Variants in VGLL2 observed in about 807,000 individuals in gnomAD.
VGLL2 encodes vestigial like family member 2.
In VGLL2, 18 loss-of-function variants were observed where a neutral mutation model predicts 27.0. The observed-to-expected ratio is 0.67, with a 90% CI of 0.46 to 0.99. VGLL2 has a LOEUF of 0.99. VGLL2 is among the 50% of genes least tolerant of loss of function. The pLI is 0.00. For synonymous variants in VGLL2, 220 were observed against 201.1 expected, an observed-to-expected ratio of 1.09 and a Z score of -0.80; for missense variants, 491 against 452.3, an observed-to-expected ratio of 1.09 and a Z score of -0.78.
chr6:117,269,563 T>A (rs1211644556), intron 2 of VGLL2, among the ~76,000 whole-genome samples: 1 of 152,202 alleles, frequency 6.6e-6, no homozygotes. Context: ...ACAGGAAGAC[T>A]CTTCACCACT....
In VGLL2 at chr6:117,270,904, G is replaced by C. The variant is rs1270873794; in HGVS notation, c.753G>C (p.Pro251=). 8 of 1,262,836 alleles carry C rather than the reference G, an allele frequency of 6.3e-6. No homozygotes were observed. The highest frequency in any genetic ancestry group is 7.9e-6 in the Non-Finnish European group (8 of 1,008,978). The allele number at this position is 1,262,836 out of a possible 1,614,324, so 78.2% of individuals were successfully genotyped here. ...TGATGCCAGCCGCCTCGGGGCGCCC[G>C]GCCCGCCTCGCAACCGCCCCGGCGC... ...PLLMPAASGR[P]ARLATAPAPA... is the part of the protein sequence containing the mutation. The change falls in exon 3 of 4, where the codon CCG becomes CCC. Residue 251 remains proline (P), a synonymous_variant. Transcript: ENST00000326274.
chr6:117,271,085 G>C (rs1457368534), intron 3 of VGLL2, 21 bp downstream of exon 3: 26 of 1,214,388 alleles, frequency 2.1e-5, no homozygotes, highest in Non-Finnish European at 2.7e-5. Context: ...GAAGAAGTTT[G>C]GTCTCCGCGG....
intron 3 of VGLL2, among the ~76,000 whole-genome samples, chr6:117,272,021 GTTTGC>G (rs1291784769): frequency 6.6e-6 from 1 of 151,998 alleles, no homozygotes; most frequent in Non-Finnish European, 1.5e-5. Flanking sequence ...TGACTTTTCG[GTTTGC>G]TTTGCTTTTA....
In VGLL2 at chr6:117,270,676, C is replaced by A. The variant is rs1248549380; in HGVS notation, c.525C>A (p.Asp175Glu). 2 of 1,547,150 alleles carry A rather than the reference C, an allele frequency of 1.3e-6. No homozygotes were observed. Among genetic ancestry groups the A allele is most frequent in the African/African-American group, 2.8e-5 (2 of 71,236 alleles). Reference protein sequence around the residue: ...AHSELPFAAADPYSPAALHGH... With the variant: ...AHSELPFAAAEPYSPAALHGH... Reference sequence around the variant, plus strand: ...CGGAGCTGCCCTTCGCCGCCGCCGACCCCTACTCGCCCGCCGCGCTGCATG... The same window carrying A: ...CGGAGCTGCCCTTCGCCGCCGCCGAACCCTACTCGCCCGCCGCGCTGCATG... Residue 175 changes from aspartate (D) to glutamate (E), a missense_variant, in exon 3 of 4, where the codon GAC becomes GAA. Transcript: ENST00000326274.
In VGLL2 at chr6:117,270,757, G is replaced by C. The variant is rs757785717; in HGVS notation, c.606G>C (p.Ala202=). 1.3e-6 allele frequency: 2 copies of C among 1,504,994 alleles called. No homozygotes were observed. Among genetic ancestry groups the C allele is most frequent in the African/African-American group, 1.5e-5 (1 of 68,908 alleles). The allele number at this position is 1,504,994 out of a possible 1,614,324, so 93.2% of individuals were successfully genotyped here. ...GGCACCACGCGCACCCGCACCACGC[G>C]CACCCGCATCACCCCTACGCCCTGG... is the stretch of plus-strand genomic sequence containing the variant. The part of the protein sequence containing the change: ...EPWHHAHPHH[A]HPHHPYALGG... Residue 202 remains alanine, a synonymous_variant, in exon 3 of 4, where the codon GCG becomes GCC. Coordinates refer to ENST00000326274, the MANE Select transcript of VGLL2 (RefSeq NM_182645.3).
chr6:117,265,666 C>A lies in VGLL2; in HGVS notation c.-98C>A, dbSNP rs1465479008. The A allele has an allele frequency of 3.9e-6, 4 of 1,024,338 alleles. No individual in the cohort carries two copies. The highest frequency in any genetic ancestry group is 6.0e-6 in the Non-Finnish European group (4 of 663,542). 63.5% of individuals were successfully genotyped at this position (1,024,338 alleles called of 1,614,324 possible). Reference sequence around the variant, plus strand: ...GCTGGCTTTGCTCCGCCTGATGACTCCAGAGCGCGGGTCCAAGCGCCGCCC... The same window carrying A: ...GCTGGCTTTGCTCCGCCTGATGACTACAGAGCGCGGGTCCAAGCGCCGCCC... On this transcript the variant is annotated 5_prime_UTR_variant, in exon 1 of 4. Coordinates refer to ENST00000326274, the MANE Select transcript of VGLL2 (RefSeq NM_182645.3).
Position 117,272,509 on chromosome 6 carries a change from G to A in VGLL2, c.*15G>A, listed in dbSNP as rs1445574659. ...TCCTGAGCTGATCTGCTGACCCAGG[G>A]TTTCCCCTTCCCCTTCCCTTCTGAC... On this transcript the variant is annotated 3_prime_UTR_variant, in exon 4 of 4. Coordinates refer to ENST00000326274, the MANE Select transcript of VGLL2 (RefSeq NM_182645.3). 2 of 1,614,016 alleles carry A rather than the reference G, an allele frequency of 1.2e-6. No individual in the cohort carries two copies. Among genetic ancestry groups the A allele is most frequent in the South Asian group, 2.2e-5 (2 of 91,082 alleles).
intron 2 of VGLL2, 30 bp from the exon 3 acceptor site, chr6:117,270,513 C>T (rs1407824948): frequency 1.3e-6 from 2 of 1,556,774 alleles, no homozygotes; most frequent in African/African-American, 1.4e-5. Flanking sequence ...TTTTCCTTTC[C>T]TCCACTCCGC....
In VGLL2 at chr6:117,265,607, T is replaced by C; in HGVS notation, c.-157T>C. On this transcript the variant is annotated 5_prime_UTR_variant, in exon 1 of 4. Transcript: ENST00000326274. The stretch of plus-strand genomic sequence containing the variant: ...GAGTAAAATCGCAGGAGTGGGAGGG[T>C]AGCGAGCCAGCTGGATTCCGAGCCG... 1 of 652,044 alleles carries C rather than the reference T, an allele frequency of 1.5e-6. No homozygotes were observed. Among genetic ancestry groups the C allele is most frequent in the Non-Finnish European group, 2.8e-6 (1 of 363,490 alleles). The allele number at this position is 652,044 out of a possible 1,614,324, so 40.4% of individuals were successfully genotyped here. A position where few individuals can be genotyped will look rare whatever the true frequency, so the allele number is the denominator to read the frequency against.
rs1773240351 is a variant in VGLL2, at chr6:117,273,253, A to G, written c.*759A>G. The G allele has an allele frequency of 6.6e-6, 1 of 152,382 alleles. No homozygotes were observed. Among genetic ancestry groups the G allele is most frequent in the African/African-American group, 2.4e-5 (1 of 41,572 alleles). 9.4% of individuals were successfully genotyped at this position (152,382 alleles called of 1,614,324 possible). A position where few individuals can be genotyped will look rare whatever the true frequency, so the allele number is the denominator to read the frequency against. ...ATATATATGTATGCATATATATCAT[A>G]TTTTTTACAAGGAACATTTTATGAT... On this transcript the variant is annotated 3_prime_UTR_variant, in exon 4 of 4. Transcript: ENST00000326274.
chr6:117,270,326 A>G (rs1029238700), intron 2 of VGLL2, among the ~76,000 whole-genome samples: 3 of 151,984 alleles, frequency 2.0e-5, no homozygotes, highest in Non-Finnish European at 4.4e-5. Context: ...CCCATTTTGC[A>G]GTTCCCCCAC....
At chr6:117,270,398 T>A in intron 2 of VGLL2, 145 bp from the exon 3 acceptor site, 1 of 1,064,830 alleles carries the variant, frequency 9.4e-7, no homozygotes, top group Non-Finnish European at 1.3e-6. Context: ...GGGCTGCCCA[T>A]CAGCCCCGGC....
chr6:117,270,435 C>T (rs1176191141), intron 2 of VGLL2, 108 bp from the exon 3 acceptor site: 6 of 1,370,720 alleles, frequency 4.4e-6, no homozygotes, highest in African/African-American at 1.5e-5. Context: ...TGTGCCCGCC[C>T]GGCGCCTTCG....
At chr6:117,269,337 G>GT (rs200490793) in intron 2 of VGLL2, among the ~76,000 whole-genome samples, 1,529 of 152,220 alleles carry the variant, frequency 0.01, 20 homozygotes, top group African/African-American at 0.035. Flanking sequence ...TCACTAAGCT[G>GT]TATTTGATGT....
Position 117,271,049 on chromosome 6 carries a change from C to A in VGLL2, c.898C>A (p.Leu300Ile). 8.1e-7 allele frequency: 1 copy of A among 1,228,478 alleles called. No homozygotes were observed. The highest frequency in any genetic ancestry group is 1.0e-6 in the Non-Finnish European group (1 of 986,960). 76.1% of individuals were successfully genotyped at this position (1,228,478 alleles called of 1,614,324 possible). ...GGGGGACGTGGCCCAGGGTCTGGGC[C>A]TCAGCGTGGACTCAGGTAAGCAGAG... ...PSGDVAQGLG[L>I]SVDSARRYSL... Residue 300 changes from leucine to isoleucine, a missense_variant, in exon 3 of 4, where the codon CTC becomes ATC. Physicochemically the swap from Leu to Ile is conservative, Grantham distance 5 (BLOSUM62 2). Transcript: ENST00000326274.
At position 117,270,903 on chromosome 6, in the gene VGLL2, C is replaced by T; in HGVS notation, c.752C>T (p.Pro251Leu). Residue 251 changes from proline (P) to leucine (L), a missense_variant, in exon 3 of 4, where the codon CCG becomes CTG. By Grantham distance (98) the Pro-to-Leu change is moderately conservative. Coordinates refer to ENST00000326274, the MANE Select transcript of VGLL2 (RefSeq NM_182645.3). Reference sequence around the variant, plus strand: ...CTGATGCCAGCCGCCTCGGGGCGCCCGGCCCGCCTCGCAACCGCCCCGGCG... The same window carrying T: ...CTGATGCCAGCCGCCTCGGGGCGCCTGGCCCGCCTCGCAACCGCCCCGGCG... ...PLLMPAASGR[P>L]ARLATAPAPA... The T allele has an allele frequency of 7.9e-7, 1 of 1,262,668 alleles. No homozygotes were observed. The highest frequency in any genetic ancestry group is 2.9e-5 in the South Asian group (1 of 34,808). 78.2% of individuals were successfully genotyped at this position (1,262,668 alleles called of 1,614,324 possible).
Position 117,265,576 on chromosome 6 carries a change from G to C in VGLL2, c.-188G>C. 3.4e-6 allele frequency: 2 copies of C among 594,558 alleles called. No homozygotes were observed. Among genetic ancestry groups the C allele is most frequent in the Non-Finnish European group, 6.1e-6 (2 of 329,464 alleles). 36.8% of individuals were successfully genotyped at this position (594,558 alleles called of 1,614,324 possible). ...CTCAGGCGCTTCTGCCCTGGAGCGC[G>C]GTCGGGAGTAAAATCGCAGGAGTGG... On this transcript the variant is annotated 5_prime_UTR_variant, in exon 1 of 4. Coordinates refer to ENST00000326274, the MANE Select transcript of VGLL2 (RefSeq NM_182645.3).
chr6:117,272,717 T>G lies in VGLL2; in HGVS notation c.*223T>G. 1.7e-6 allele frequency: 1 copy of G among 598,654 alleles called. No individual in the cohort carries two copies. 37.1% of individuals were successfully genotyped at this position (598,654 alleles called of 1,614,324 possible). A position where few individuals can be genotyped will look rare whatever the true frequency, so the allele number is the denominator to read the frequency against. ...AGACTGAGTTATGTTTAATGACTTTTGGCCGAATCACTGGAAATATCTGTG... is the reference window on the plus strand; with the variant it reads ...AGACTGAGTTATGTTTAATGACTTTGGGCCGAATCACTGGAAATATCTGTG... On this transcript the variant is annotated 3_prime_UTR_variant, in exon 4 of 4. Transcript: ENST00000326274.
intron 3 of VGLL2, among the ~76,000 whole-genome samples, chr6:117,271,855 A>G (rs1263712920): frequency 1.3e-5 from 2 of 152,168 alleles, no homozygotes; most frequent in African/African-American, 2.4e-5. Flanking sequence ...TGACAATCCT[A>G]AGTCTTTGGC....
Sources: gnomAD v4.1 joint callset for allele counts (sites outside exome capture counted in the v4.1 genomes callset) on GRCh38, gnomAD v4.1.1 for gene constraint, MANE v1.5 for transcripts, NCBI Gene and HGNC (gene_info 2026-07-23, HGNC 2026-07-21) for gene names.